Variants in HUNK observed in about 807,000 individuals in gnomAD.
HUNK encodes hormonally up-regulated neu tumor-associated kinase.
A neutral mutation model predicts 61.0 loss-of-function variants in HUNK; 21 were observed. That is an observed-to-expected ratio of 0.34 (90% CI 0.24 to 0.50). The LOEUF (loss-of-function observed/expected upper bound fraction) is 0.50, where lower values mean the gene tolerates loss of function less well. Ranked by LOEUF, HUNK falls within the 20% of genes least tolerant of loss-of-function variation. The pLI is 0.98. For synonymous variants in HUNK, 371 were observed against 386.1 expected, an observed-to-expected ratio of 0.96 and a Z score of 0.46; for missense variants, 772 against 945.7, an observed-to-expected ratio of 0.82 and a Z score of 2.41.
rs191575143 is a variant in HUNK, at chr21:31,947,417, C to T, written c.746+1246C>T. 2.4e-3 allele frequency among the ~76,000 whole-genome samples: 368 copies of T among 152,294 alleles called. 2 individuals are homozygous for T. Among genetic ancestry groups the T allele is most frequent in the African/African-American group, 8.0e-3 (332 of 41,502 alleles). On this transcript the variant is annotated intron_variant, in intron 4 of 10. Transcript: ENST00000270112. Reference sequence around the variant, plus strand: ...CATCCCATTCTCAAGCCAATGGCGTCACTGCCGAGATCATTTCTGAGCTCC... The same window carrying T: ...CATCCCATTCTCAAGCCAATGGCGTTACTGCCGAGATCATTTCTGAGCTCC...
chr21:31,957,524 A>G (rs372783222), intron 4 of HUNK, among the ~76,000 whole-genome samples: 2 of 152,174 alleles, frequency 1.3e-5, no homozygotes, highest in East Asian at 3.8e-4. Flanking sequence ...AATTTCAATC[A>G]GTCTCATTGG....
At chr21:31,910,438 T>C (rs942036390) in intron 1 of HUNK, among the ~76,000 whole-genome samples, 1 of 152,108 alleles carries the variant, frequency 6.6e-6, no homozygotes, top group African/African-American at 2.4e-5. Context: ...AAAGGCCCTG[T>C]TTCCAAATAC....
rs1010627032 is a variant in HUNK at position 31,938,852 on chromosome 21, G to A, written c.555-1313G>A. The stretch of plus-strand genomic sequence containing the variant: ...GCAGGCTACAATTTAAGATGCCAGA[G>A]CTGATAATAATTGACCTAGATGGTT... On this transcript the variant is annotated intron_variant, in intron 2 of 10. Transcript: ENST00000270112. Among the ~76,000 whole-genome samples, 4 of 152,306 alleles carry A rather than the reference G, an allele frequency of 2.6e-5. No individual in the cohort carries two copies. The South Asian group carries it at 8.3e-4, about 32-fold the overall frequency.
intron 1 of HUNK, among the ~76,000 whole-genome samples, chr21:31,916,086 T>C (rs2052580334): frequency 7.8e-6 from 1 of 128,716 alleles, no homozygotes; most frequent in East Asian, 2.6e-4. Flanking sequence ...AGTCTCGCTC[T>C]GTCGCCCAGG....
chr21:31,917,602 C>CGGTTTTACTGATCTTT (rs2052592414), intron 1 of HUNK, among the ~76,000 whole-genome samples: 2 of 151,776 alleles, frequency 1.3e-5, no homozygotes, highest in Admixed American at 6.6e-5. Flanking sequence ...TGATGAGTCT[C>CGGTTTTACTGATCTTT]GGTTTTACTG....
intron 2 of HUNK, among the ~76,000 whole-genome samples, chr21:31,931,985 C>T (rs531739943): frequency 2.2e-4 from 34 of 151,918 alleles, no homozygotes; most frequent in African/African-American, 7.7e-4. Context: ...AGAGCTCACA[C>T]GTGTGTATGC....
chr21:31,949,811 C>T (rs1228912460), intron 4 of HUNK, among the ~76,000 whole-genome samples: 4 of 152,162 alleles, frequency 2.6e-5, no homozygotes, highest in South Asian at 2.1e-4. Flanking sequence ...GTGGGAGGTG[C>T]GGGGGACCAG....
At position 31,915,687 on chromosome 21, in the gene HUNK, A is replaced by G. The variant is rs534650443; in HGVS notation, c.262-8781A>G. Among the ~76,000 whole-genome samples, 17 of 152,296 alleles carry G rather than the reference A, an allele frequency of 1.1e-4. No homozygotes were observed. The East Asian group carries it at 3.3e-3, about 29-fold the overall frequency. ...AATTTTAAAGGCAGTGAAGGGTGAT[A>G]CAGGAGGAAGGGATGAATTTAAAAT... is the stretch of plus-strand genomic sequence containing the variant. On this transcript the variant is annotated intron_variant, in intron 1 of 10. Transcript: ENST00000270112.
intron 1 of HUNK, among the ~76,000 whole-genome samples, chr21:31,901,148 G>A (rs570863454): frequency 6.6e-6 from 1 of 152,320 alleles, no homozygotes; most frequent in East Asian, 1.9e-4. Context: ...GCAATGACCT[G>A]ATTTCCAAAC....
chr21:31,873,921 C>A lies in HUNK; in HGVS notation c.247C>A (p.Leu83Met), dbSNP rs763698903. Reference protein sequence around the residue: ...FAKVREGLHVLTGEKVAIKVI... With the variant: ...FAKVREGLHVMTGEKVAIKVI... Reference sequence around the variant, plus strand: ...CAAGGTGCGCGAGGGGCTGCACGTGCTGACCGGGGAGAAGGTGAGTCTCCC... The same window carrying A: ...CAAGGTGCGCGAGGGGCTGCACGTGATGACCGGGGAGAAGGTGAGTCTCCC... Residue 83 changes from leucine (L) to methionine (M), a missense_variant, in exon 1 of 11, where the codon CTG becomes ATG. By Grantham distance (15) the Leu-to-Met change is conservative (BLOSUM62 2). Coordinates refer to ENST00000270112, the MANE Select transcript of HUNK (RefSeq NM_014586.2). This position sits in a 1 kb window ranked among gnomAD's most constrained non-coding sequence, Gnocchi z 6.1. The A allele has an allele frequency of 6.4e-7, 1 of 1,556,766 alleles. No individual in the cohort carries two copies. The highest frequency in any genetic ancestry group is 1.2e-5 in the South Asian group (1 of 83,754).
chr21:31,918,450 A>G (rs1438660843), intron 1 of HUNK, among the ~76,000 whole-genome samples: 2 of 152,168 alleles, frequency 1.3e-5, no homozygotes, highest in African/African-American at 4.8e-5. Context: ...ATGACCACAA[A>G]CTTGGTGGCT....
At chr21:31,923,570 G>A (rs1444940159) in intron 1 of HUNK, among the ~76,000 whole-genome samples, 1 of 125,252 alleles carries the variant, frequency 8.0e-6, no homozygotes, top group Non-Finnish European at 1.6e-5. Flanking sequence ...AGGAAGGAAG[G>A]AAGCGAGGGA....
chr21:31,874,714 C>G (rs2052247066), intron 1 of HUNK, among the ~76,000 whole-genome samples: 1 of 151,950 alleles, frequency 6.6e-6, no homozygotes, highest in Non-Finnish European at 1.5e-5. Flanking sequence ...CTGGCAGGAA[C>G]AGAACTACAG....
intron 1 of HUNK, among the ~76,000 whole-genome samples, chr21:31,893,923 G>C (rs1052801459): frequency 2.0e-5 from 3 of 152,102 alleles, no homozygotes; most frequent in African/African-American, 4.8e-5. Flanking sequence ...AATGTGCATC[G>C]AAGGCCTCTT....
intron 1 of HUNK, among the ~76,000 whole-genome samples, chr21:31,880,887 C>T (rs1457422182): frequency 6.6e-6 from 1 of 152,214 alleles, no homozygotes; most frequent in Non-Finnish European, 1.5e-5. Flanking sequence ...GAGGGAGAAG[C>T]TGGGCTCCAA....
At chr21:31,998,489 A>G (rs2123262448) in intron 10 of HUNK, 37 bp from the exon 11 acceptor site, 6 of 1,531,298 alleles carry the variant, frequency 3.9e-6, no homozygotes, top group Non-Finnish European at 5.3e-6. Flanking sequence ...CACTGTCCGG[A>G]CGTCCTCATG....
chr21:31,886,750 AT>A (rs764491066), intron 1 of HUNK, among the ~76,000 whole-genome samples: 2 of 151,522 alleles, frequency 1.3e-5, no homozygotes, highest in Non-Finnish European at 2.9e-5. Flanking sequence ...GGTTCAAGCG[AT>A]TCTCCTGCTT....
At position 31,975,435 on chromosome 21, in the gene HUNK, C is replaced by A. The variant is rs58230189; in HGVS notation, c.1173+718C>A. ...AGAATTCTGCAAATTGGATCCAAGA[C>A]AATATGGAGTCTGCATACAGCAGCT... On this transcript the variant is annotated intron_variant, in intron 7 of 10. Transcript: ENST00000270112. Among the ~76,000 whole-genome samples, 1,365 of 152,294 alleles carry A rather than the reference C, an allele frequency of 9.0e-3. 25 individuals are homozygous for A. Among genetic ancestry groups the A allele is most frequent in the African/African-American group, 0.032 (1,317 of 41,564 alleles).
At chr21:31,971,702 TC>T (rs1353552771) in intron 6 of HUNK, among the ~76,000 whole-genome samples, 1 of 152,202 alleles carries the variant, frequency 6.6e-6, no homozygotes, top group Non-Finnish European at 1.5e-5. Flanking sequence ...CATTTCAGCC[TC>T]CAAGTTGATC....
Sources: gnomAD v4.1 joint callset for allele counts (sites outside exome capture counted in the v4.1 genomes callset) on GRCh38, gnomAD v4.1.1 for gene constraint, Gnocchi (gnomAD v3.1) non-coding constraint, MANE v1.5 for transcripts, NCBI Gene and HGNC (gene_info 2026-07-23, HGNC 2026-07-21) for gene names.